FAM186A: variants seen among roughly 807,000 people sequenced by gnomAD.
The protein encoded by FAM186A is protein FAM186A.
In FAM186A, 163 loss-of-function variants were observed where a neutral mutation model predicts 216.8. The observed-to-expected ratio is 0.75, with a 90% CI of 0.66 to 0.86. The LOEUF (loss-of-function observed/expected upper bound fraction) is 0.86. FAM186A is among the 40% of genes least tolerant of loss of function. The pLI, the probability that FAM186A is intolerant of heterozygous loss-of-function variation, is 0.00. For synonymous variants in FAM186A, 805 were observed against 1,025.3 expected (o/e 0.79, Z 4.10); for missense variants, 2,184 against 2,746.2 (o/e 0.80, Z 4.58).
chr12:50,330,519 A>T (rs893098648), intron 7 of FAM186A, 54 bp downstream of exon 7: 2 of 1,514,418 alleles, frequency 1.3e-6, no homozygotes, highest in Non-Finnish European at 1.8e-6. Flanking sequence ...TAGGGAACCA[A>T]AAGGTATATG....
chr12:50,370,146 A>AAAAAAAAAAAC, intron 1 of FAM186A, among the ~76,000 whole-genome samples: 1 of 148,350 alleles, frequency 6.7e-6, no homozygotes, highest in Non-Finnish European at 1.5e-5. Context: ...AAAAAAAAAA[A>AAAAAAAAAAAC]AGCAAAACTT....
In FAM186A at chr12:50,350,796, A is replaced by G. The variant is rs1404627920; in HGVS notation, c.6036T>C (p.Phe2012=). The G allele has an allele frequency of 1.3e-5, 20 of 1,551,722 alleles. No individual in the cohort carries two copies. The highest frequency in any genetic ancestry group is 2.4e-5 in the East Asian group (1 of 40,924). Reference sequence around the variant, plus strand: ...TGGTGAAATGGGACTGAAATGTTCTAAATGATTCTATAGCAAAAGTGTCTC... The same window carrying G: ...TGGTGAAATGGGACTGAAATGTTCTGAATGATTCTATAGCAAAAGTGTCTC... ...ILRDTFAIES[F]RTFQSHFTKY... is the part of the protein sequence containing the mutation. The change falls in exon 4 of 8, where the codon TTT becomes TTC. Residue 2012 remains phenylalanine, a synonymous_variant. Coordinates refer to ENST00000327337, the MANE Select transcript of FAM186A (RefSeq NM_001145475.3).
chr12:50,350,951 A>G lies in FAM186A; in HGVS notation c.5881T>C (p.Ser1961Pro), dbSNP rs1942871517. The G allele has an allele frequency of 6.4e-7, 1 of 1,551,384 alleles. No homozygotes were observed. The highest frequency in any genetic ancestry group is 8.7e-7 in the Non-Finnish European group (1 of 1,146,912). ...ATCAATACTGATTTAGATTTCAGAG[A>G]AGAAATAATTGCCAATCTTTTCTTA... The part of the protein sequence containing the change: ...VAKKRLAIIS[S>P]LKSKSVLIHP... The change falls in exon 4 of 8, where the codon TCT becomes CCT. Residue 1961 changes from serine (S) to proline (P), a missense_variant. Ser to Pro is a moderately conservative substitution (Grantham distance 74). Transcript: ENST00000327337.
At chr12:50,334,229 T>A in intron 4 of FAM186A, 126 bp from the exon 5 acceptor site, 1 of 804,968 alleles carries the variant, frequency 1.2e-6, no homozygotes, top group Non-Finnish European at 1.9e-6. Context: ...GGAGGTGCAA[T>A]GGTGCAATCA....
intron 1 of FAM186A, among the ~76,000 whole-genome samples, chr12:50,388,780 C>G (rs1943329477): frequency 6.6e-6 from 1 of 152,276 alleles, no homozygotes; most frequent in East Asian, 1.9e-4. Context: ...TGCCTGGGCA[C>G]AGTGGCTCAT....
At chr12:50,378,192 C>T (rs1943216758) in intron 1 of FAM186A, among the ~76,000 whole-genome samples, 1 of 149,782 alleles carries the variant, frequency 6.7e-6, no homozygotes, top group African/African-American at 2.5e-5. Flanking sequence ...ACATTACACT[C>T]CAGCCTCGAC....
intron 1 of FAM186A, among the ~76,000 whole-genome samples, chr12:50,370,429 T>C (rs1020250243): frequency 6.6e-6 from 1 of 151,694 alleles, no homozygotes; most frequent in Non-Finnish European, 1.5e-5. Flanking sequence ...ATTAGGAAAA[T>C]GTAAATCAAA....
At chr12:50,350,026 C>T (rs1339853166) in intron 4 of FAM186A, among the ~76,000 whole-genome samples, 4 of 152,172 alleles carry the variant, frequency 2.6e-5, no homozygotes, top group South Asian at 4.2e-4. Flanking sequence ...GAAAGAAATT[C>T]AGAATAACTG....
intron 1 of FAM186A, among the ~76,000 whole-genome samples, chr12:50,371,709 C>T (rs913581680): frequency 6.6e-6 from 1 of 152,060 alleles, no homozygotes; most frequent in Admixed American, 6.6e-5. Context: ...ATAGTTCTGA[C>T]TTTGGTTGCA....
At chr12:50,346,220 G>GAGAGAAAGAAA in intron 4 of FAM186A, among the ~76,000 whole-genome samples, 1 of 46,726 alleles carries the variant, frequency 2.1e-5, no homozygotes, top group Middle Eastern at 0.01. Flanking sequence ...AGAGAGAGAA[G>GAGAGAAAGAAA]GAAAGAAAGA....
Position 50,353,740 on chromosome 12 carries a change from C to T in FAM186A, c.3092G>A (p.Arg1031Lys). The change falls in exon 4 of 8, where the codon AGG becomes AAG. Residue 1031 changes from arginine to lysine, a missense_variant. Coordinates refer to ENST00000327337, the MANE Select transcript of FAM186A (RefSeq NM_001145475.3). ...QRSYEGKEFQ[R>K]NLKTLENLPD... ...AAGGTTCTCTAATGTCTTCAGATTC[C>T]TCTGAAACTCTTTTCCTTCATATGA... 1 of 1,550,102 alleles carries T rather than the reference C, an allele frequency of 6.5e-7. No individual in the cohort carries two copies. The highest frequency in any genetic ancestry group is 1.2e-5 in the South Asian group (1 of 83,696).
chr12:50,345,610 T>A (rs1402813645), intron 4 of FAM186A, among the ~76,000 whole-genome samples: 1 of 152,164 alleles, frequency 6.6e-6, no homozygotes, highest in Non-Finnish European at 1.5e-5. Context: ...AGAGAGTCCT[T>A]TCCTCATTGC....
intron 1 of FAM186A, among the ~76,000 whole-genome samples, chr12:50,368,738 T>G (rs1943113712): frequency 1.3e-5 from 2 of 151,790 alleles, no homozygotes. Context: ...AATAACAAAG[T>G]TGGAGATCCC....
intron 1 of FAM186A, among the ~76,000 whole-genome samples, chr12:50,385,506 A>G (rs189402200): frequency 9.1e-4 from 139 of 152,126 alleles, no homozygotes; most frequent in Non-Finnish European, 1.4e-3. Flanking sequence ...TGATTTTTGT[A>G]TATGGTTCCA....
At position 50,353,960 on chromosome 12, in the gene FAM186A, GC is replaced by G; in HGVS notation, c.2871del (p.Pro958HisfsTer18). The G allele has an allele frequency of 6.4e-7, 1 of 1,553,232 alleles. No individual in the cohort carries two copies. Among genetic ancestry groups the G allele is most frequent in the Non-Finnish European group, 8.7e-7 (1 of 1,147,986 alleles). ...TTCCCTTTCTCCCTTCTCCTGTGTGGCCCCAAATGTTTCGCTTCCTTCTGAA... is the reference window on the plus strand; with the variant it reads ...TTCCCTTTCTCCCTTCTCCTGTGTGGCCCAAATGTTTCGCTTCCTTCTGAA... The part of the protein sequence containing the change: ...RQIQKEAKHL[G>X]PHRRREKGKE... On this transcript the variant is annotated frameshift_variant, in exon 4 of 8. Coordinates refer to ENST00000327337, the MANE Select transcript of FAM186A (RefSeq NM_001145475.3). LOFTEE classifies it high-confidence loss of function.
intron 1 of FAM186A, among the ~76,000 whole-genome samples, chr12:50,383,673 T>C: frequency 6.6e-6 from 1 of 152,144 alleles, no homozygotes; most frequent in East Asian, 1.9e-4. Context: ...TGGTTGTTTT[T>C]CTGTTGGCTG....
chr12:50,333,878 C>T, intron 5 of FAM186A, 33 bp downstream of exon 5: 1 of 1,515,938 alleles, frequency 6.6e-7, no homozygotes. Context: ...GTTTTTACAA[C>T]ATGCTGGACA....
At chr12:50,333,629 C>G (rs1302099122) in intron 5 of FAM186A, among the ~76,000 whole-genome samples, 1 of 152,096 alleles carries the variant, frequency 6.6e-6, no homozygotes, top group Non-Finnish European at 1.5e-5. Context: ...TAAGGATTGC[C>G]CATAGCCACC....
chr12:50,334,167 C>T, intron 4 of FAM186A, 64 bp from the exon 5 acceptor site: 1 of 1,339,306 alleles, frequency 7.5e-7, no homozygotes, highest in Non-Finnish European at 9.9e-7. Context: ...CAAACTTGTC[C>T]TCAGTTTCTT....
Sources: gnomAD v4.1 joint callset for allele counts (sites outside exome capture counted in the v4.1 genomes callset) on GRCh38, gnomAD v4.1.1 for gene constraint, MANE v1.5 for transcripts, NCBI Gene and HGNC (gene_info 2026-07-23, HGNC 2026-07-21) for gene names.